LRP1B: variants seen among roughly 807,000 people sequenced by gnomAD.
LRP1B encodes low-density lipoprotein receptor-related protein 1B.
A neutral mutation model predicts 556.6 loss-of-function variants in LRP1B; 217 were observed. The observed-to-expected ratio is 0.39, with a 90% CI of 0.35 to 0.44. The LOEUF is 0.44. LRP1B is among the 20% of genes least tolerant of loss of function. The pLI, the probability that LRP1B is intolerant of heterozygous loss-of-function variation, is 1.00. For synonymous variants in LRP1B, 2,047 were observed against 1,865.8 expected, an observed-to-expected ratio of 1.10 and a Z score of -2.50; for missense variants, 5,053 against 5,620.8, an observed-to-expected ratio of 0.90 and a Z score of 3.23.
chr2:141,490,014 G>A (rs1281539977), intron 2 of LRP1B, among the ~76,000 whole-genome samples: 1 of 152,128 alleles, frequency 6.6e-6, no homozygotes, highest in Non-Finnish European at 1.5e-5. Context: ...TGCAAGAGAT[G>A]TAAAGGTGAT....
At chr2:141,878,229 A>C (rs1413162158) in intron 1 of LRP1B, among the ~76,000 whole-genome samples, 2 of 151,944 alleles carry the variant, frequency 1.3e-5, no homozygotes, top group South Asian at 4.1e-4. Flanking sequence ...CAGAATCCTC[A>C]CCACAGCTGG....
chr2:141,824,675 T>C (rs780962197), intron 1 of LRP1B, among the ~76,000 whole-genome samples: 1 of 152,240 alleles, frequency 6.6e-6, no homozygotes, highest in Non-Finnish European at 1.5e-5. Context: ...ATACTTACCT[T>C]GCATAAAGCT....
At chr2:140,537,425 G>T (rs981166383) in intron 45 of LRP1B, among the ~76,000 whole-genome samples, 4 of 151,798 alleles carry the variant, frequency 2.6e-5, no homozygotes, top group African/African-American at 9.7e-5. Flanking sequence ...TTTCCCCACC[G>T]TCTGGTCTTC....
rs1391513242 is a variant in LRP1B, at chr2:141,853,162, G to C, written c.83-42761C>G. ...TAAACTCATGGATTTAATATCTACAGATTCTACAAAGCTGTTTTATTTCTT... is the reference window on the plus strand; with the variant it reads ...TAAACTCATGGATTTAATATCTACACATTCTACAAAGCTGTTTTATTTCTT... On this transcript the variant is annotated intron_variant, in intron 1 of 90. Transcript: ENST00000389484. Among the ~76,000 whole-genome samples, 9 of 151,464 alleles carry C rather than the reference G, an allele frequency of 5.9e-5. No individual in the cohort carries two copies. In the Admixed American group the frequency reaches 5.9e-4, roughly 10 times the overall value.
intron 32 of LRP1B, among the ~76,000 whole-genome samples, chr2:140,801,816 T>C (rs1040284494): frequency 1.3e-5 from 2 of 152,078 alleles, no homozygotes; most frequent in Non-Finnish European, 2.9e-5. Flanking sequence ...ATACAGCAGA[T>C]TTTGAAAGTT....
intron 68 of LRP1B, among the ~76,000 whole-genome samples, chr2:140,375,639 C>T (rs1406860640): frequency 6.6e-6 from 1 of 152,070 alleles, no homozygotes; most frequent in Non-Finnish European, 1.5e-5. Flanking sequence ...ATGACATTGA[C>T]ATAAATAAGC....
At chr2:141,987,157 G>T (rs893152485) in intron 1 of LRP1B, among the ~76,000 whole-genome samples, 14 of 37,266 alleles carry the variant, frequency 3.8e-4, no homozygotes, top group African/African-American at 1.4e-3. Flanking sequence ...ATACATTTTG[G>T]TTTGACTGTA....
At chr2:141,483,102 A>C (rs1682984628) in intron 2 of LRP1B, among the ~76,000 whole-genome samples, 2 of 141,400 alleles carry the variant, frequency 1.4e-5, no homozygotes, top group East Asian at 2.3e-4. Flanking sequence ...TCCTAATGCT[A>C]TCCCTCCCCC....
At chr2:140,601,876 T>C (rs1418062420) in intron 41 of LRP1B, among the ~76,000 whole-genome samples, 1 of 152,078 alleles carries the variant, frequency 6.6e-6, no homozygotes, top group East Asian at 1.9e-4. Flanking sequence ...TTCTCACAAA[T>C]AAAATAAAAT....
intron 7 of LRP1B, among the ~76,000 whole-genome samples, chr2:141,143,633 C>T (rs1412229994): frequency 6.6e-6 from 1 of 152,050 alleles, no homozygotes; most frequent in Non-Finnish European, 1.5e-5. Context: ...AGCAAGTGTC[C>T]TGAGGTTTGG....
At chr2:140,807,201 G>A (rs1690749266) in intron 32 of LRP1B, among the ~76,000 whole-genome samples, 1 of 152,090 alleles carries the variant, frequency 6.6e-6, no homozygotes, top group Non-Finnish European at 1.5e-5. Context: ...CCCTGTAACT[G>A]AATACTAGGT....
intron 1 of LRP1B, among the ~76,000 whole-genome samples, chr2:142,045,117 CTACAT>C (rs1431737542): frequency 6.9e-6 from 1 of 143,918 alleles, no homozygotes; most frequent in Non-Finnish European, 1.5e-5. Context: ...TACGCATTTT[CTACAT>C]TACAATATTA....
rs1176812123 is a variant in LRP1B, at chr2:140,322,475, CTTAT to C, written c.12515-391_12515-388del. 9.2e-5 allele frequency among the ~76,000 whole-genome samples: 14 copies of C among 152,110 alleles called. 1 individual carries two copies. Among genetic ancestry groups the C allele is most frequent in the African/African-American group, 2.9e-4 (12 of 41,546 alleles). On this transcript the variant is annotated intron_variant, in intron 81 of 90. Coordinates refer to ENST00000389484, the MANE Select transcript of LRP1B (RefSeq NM_018557.3). The stretch of plus-strand genomic sequence containing the variant: ...GGGGATCTGACCTTCATTTCAACAG[CTTAT>C]TTATTTTACAGAGCTGTTCTAACAG...
In LRP1B at chr2:140,952,482, T is replaced by C. The variant is rs57420326; in HGVS notation, c.2888-542A>G. On this transcript the variant is annotated intron_variant, in intron 18 of 90. Coordinates refer to ENST00000389484, the MANE Select transcript of LRP1B (RefSeq NM_018557.3). ...TATCACCTAGTTACAAAGAAAAGTA[T>C]GAAATCTTAGTCTACGAAAAAGAAC... 4.7e-3 allele frequency among the ~76,000 whole-genome samples: 703 copies of C among 150,906 alleles called. 5 individuals are homozygous for C. Among genetic ancestry groups the C allele is most frequent in the African/African-American group, 0.016 (640 of 41,148 alleles).
At chr2:141,999,098 T>C (rs1043494713) in intron 1 of LRP1B, among the ~76,000 whole-genome samples, 1 of 152,188 alleles carries the variant, frequency 6.6e-6, no homozygotes, top group African/African-American at 2.4e-5. Context: ...CATGTGATGT[T>C]AGCCTAGAGT....
intron 11 of LRP1B, among the ~76,000 whole-genome samples, chr2:141,020,665 G>A (rs1317936953): frequency 6.6e-6 from 1 of 151,894 alleles, no homozygotes; most frequent in Admixed American, 6.6e-5. Flanking sequence ...TCAAGGAATC[G>A]CCAAAATACT....
At chr2:140,835,063 T>G (rs1270629864) in intron 31 of LRP1B, among the ~76,000 whole-genome samples, 1 of 152,186 alleles carries the variant, frequency 6.6e-6, no homozygotes, top group Admixed American at 6.5e-5. Context: ...GGTTTTGAAA[T>G]GTATGTGAAG....
At chr2:141,334,425 GGCCTTACA>G (rs1316859160) in intron 3 of LRP1B, among the ~76,000 whole-genome samples, 1 of 152,238 alleles carries the variant, frequency 6.6e-6, no homozygotes, top group Non-Finnish European at 1.5e-5. Flanking sequence ...AGCTCCCTGC[GGCCTTACA>G]GCCATGCTTC....
chr2:140,307,684 T>C (rs1684124989), intron 83 of LRP1B, among the ~76,000 whole-genome samples: 1 of 151,920 alleles, frequency 6.6e-6, no homozygotes, highest in African/African-American at 2.4e-5. Flanking sequence ...CTCCAGTAAA[T>C]GGACCTATTT....
Sources: allele counts gnomAD v4.1 joint callset (sites outside exome capture counted in the v4.1 genomes callset), GRCh38; gene constraint gnomAD v4.1.1; transcripts MANE v1.5; gene names NCBI Gene and HGNC (gene_info 2026-07-23, HGNC 2026-07-21).